The following C12orf54 variants were observed in gnomAD, a reference collection of about 807,000 sequenced individuals.
The protein encoded by C12orf54 is chromosome 12 open reading frame 54.
A neutral mutation model predicts 26.4 loss-of-function variants in C12orf54; 24 were observed. The ratio of observed to expected loss-of-function variants is 0.91; its 90% CI spans 0.66 to 1.28. The LOEUF (loss-of-function observed/expected upper bound fraction) is 1.28. C12orf54 is among the 50% of genes most tolerant of loss of function. The pLI is 0.00. For missense variants in C12orf54, 154 were observed against 150.9 expected (o/e 1.02, Z -0.11); for synonymous variants, 54 against 47.0 (o/e 1.15, Z -0.61).
the C12orf54 span, among the ~76,000 whole-genome samples, chr12:48,418,739 A>G: frequency 6.6e-6 from 1 of 152,184 alleles, no homozygotes; most frequent in Non-Finnish European, 1.5e-5. Flanking sequence ...AGTTGGTGTT[A>G]TTTTAATTAA....
At chr12:48,445,421 G>C in the C12orf54 span, among the ~76,000 whole-genome samples, 3 of 152,182 alleles carry the variant, frequency 2.0e-5, no homozygotes, top group Admixed American at 2.0e-4. Context: ...GCATACCTCA[G>C]AGTATATAAT....
chr12:48,488,481 CAAAA>C (rs551426749), intron 4 of C12orf54: 63 of 203,796 alleles, frequency 3.1e-4, no homozygotes, highest in Non-Finnish European at 3.8e-4. Flanking sequence ...AACTTACAGC[CAAAA>C]AAAAAAAAAA....
chr12:48,489,517 C>G (rs1348131842), intron 5 of C12orf54, among the ~76,000 whole-genome samples: 1 of 152,038 alleles, frequency 6.6e-6, no homozygotes, highest in East Asian at 1.9e-4. Flanking sequence ...CCTCTGGCTC[C>G]CGGGTTCAAG....
chr12:48,426,304 G>T, the C12orf54 span, among the ~76,000 whole-genome samples: 1 of 152,024 alleles, frequency 6.6e-6, no homozygotes, highest in Non-Finnish European at 1.5e-5. Context: ...TTTGCATATA[G>T]CTAGCCAATT....
At chr12:48,489,703 C>T (rs1219428702) in intron 5 of C12orf54, among the ~76,000 whole-genome samples, 1 of 151,434 alleles carries the variant, frequency 6.6e-6, no homozygotes, top group African/African-American at 2.4e-5. Context: ...AGGCATGAGG[C>T]ATTGCGCCCA....
intron 4 of C12orf54, chr12:48,488,450 A>G (rs985312132): frequency 5.0e-6 from 2 of 402,730 alleles, no homozygotes; most frequent in Admixed American, 3.4e-5. Flanking sequence ...AAAATTGGAG[A>G]GGATTATTTT....
At chr12:48,439,042 C>T in the C12orf54 span, among the ~76,000 whole-genome samples, 3 of 152,118 alleles carry the variant, frequency 2.0e-5, no homozygotes, top group Admixed American at 6.5e-5. Context: ...CTACAATGAA[C>T]TCAAACAAAT....
At chr12:48,455,324 C>T in the C12orf54 span, among the ~76,000 whole-genome samples, 3 of 152,208 alleles carry the variant, frequency 2.0e-5, no homozygotes, top group African/African-American at 4.8e-5. Context: ...ATATATACCA[C>T]ATTTTCTTTT....
the C12orf54 span, among the ~76,000 whole-genome samples, chr12:48,446,851 A>G: frequency 1.3e-5 from 2 of 152,224 alleles, no homozygotes; most frequent in Non-Finnish European, 2.9e-5. Flanking sequence ...TGAAAATCTT[A>G]ATAGCTGAAA....
chr12:48,464,882 T>C, the C12orf54 span, among the ~76,000 whole-genome samples: 134,751 of 152,202 alleles, frequency 0.89, 59,689 homozygotes, highest in East Asian at 0.97. Flanking sequence ...AAGATTGAAA[T>C]TGAACCCCTC....
At chr12:48,458,971 C>T in the C12orf54 span, among the ~76,000 whole-genome samples, 1 of 142,696 alleles carries the variant, frequency 7.0e-6, no homozygotes, top group South Asian at 2.4e-4. Context: ...TGCTGACATC[C>T]TTTCCTACCC....
chr12:48,488,090 G>C, intron 4 of C12orf54: 4 of 893,604 alleles, frequency 4.5e-6, no homozygotes, highest in Non-Finnish European at 7.7e-6. Flanking sequence ...TGAAGGCCAT[G>C]CAGTCTCTCA....
the C12orf54 span, among the ~76,000 whole-genome samples, chr12:48,448,301 A>C: frequency 6.6e-6 from 1 of 152,328 alleles, no homozygotes; most frequent in African/African-American, 2.4e-5. Flanking sequence ...ATATTTCCCC[A>C]TGTATGCTTT....
At position 48,491,393 on chromosome 12, in the gene C12orf54, G is replaced by C. The variant is rs181093180; in HGVS notation, c.193+557G>C. 2.2e-4 allele frequency among the ~76,000 whole-genome samples: 34 copies of C among 152,266 alleles called. 1 individual carries two copies. Among genetic ancestry groups the C allele is most frequent in the Admixed American group, 2.2e-3 (34 of 15,292 alleles). ...CCTCATAAGCGAATTACCTCCCAAA[G>C]GCCCCACAACTTAATATCATTGCTT... On this transcript the variant is annotated intron_variant, in intron 6 of 8. Transcript: ENST00000548364.
At chr12:48,487,180 C>T (rs1937668444) in intron 4 of C12orf54, among the ~76,000 whole-genome samples, 1 of 152,184 alleles carries the variant, frequency 6.6e-6, no homozygotes, top group Non-Finnish European at 1.5e-5. Flanking sequence ...AGAACACAGA[C>T]ATTTACTTGG....
At chr12:48,473,387 T>G in the C12orf54 span, 2 of 944,212 alleles carry the variant, frequency 2.1e-6, no homozygotes, top group South Asian at 1.4e-5. Context: ...AATAAGAAAC[T>G]GAAGATGAGG....
At chr12:48,488,212 T>C (rs991663743) in intron 4 of C12orf54, 34 of 694,652 alleles carry the variant, frequency 4.9e-5, no homozygotes, top group South Asian at 4.5e-4. Flanking sequence ...CTGGAGTCTG[T>C]GCCTGTCACT....
chr12:48,479,586 C>T (rs1286533452), upstream of C12orf54, among the ~76,000 whole-genome samples: 1 of 149,886 alleles, frequency 6.7e-6, no homozygotes, highest in Non-Finnish European at 1.5e-5. Context: ...TGCTACATGT[C>T]AGCTGGGTTT....
upstream of C12orf54, among the ~76,000 whole-genome samples, chr12:48,478,151 T>A (rs528528040): frequency 1.4e-3 from 210 of 152,244 alleles, no homozygotes; most frequent in African/African-American, 4.7e-3. Flanking sequence ...AAAAACCACA[T>A]GATTATCTCA....
Sources: gnomAD v4.1 joint callset for allele counts (sites outside exome capture counted in the v4.1 genomes callset) on GRCh38, gnomAD v4.1.1 for gene constraint, MANE v1.5 for transcripts, NCBI Gene and HGNC (gene_info 2026-07-23, HGNC 2026-07-21) for gene names.